The following NDNF variants were observed in gnomAD, a reference collection of about 807,000 sequenced individuals.
NDNF encodes the protein neuron derived neurotrophic factor.
In NDNF, 16 loss-of-function variants were observed where a neutral mutation model predicts 42.0. That is an observed-to-expected ratio of 0.38 (90% confidence interval 0.26 to 0.58). NDNF has a LOEUF of 0.58. Among genes scored for constraint, NDNF ranks in the 20% least tolerant of loss-of-function variants. NDNF has a pLI of 0.67. For missense variants in NDNF, 616 were observed against 666.2 expected (o/e 0.92, Z 0.83); for synonymous variants, 248 against 251.7 (o/e 0.99, Z 0.14).
In NDNF at chr4:121,036,122, A is replaced by G; in HGVS notation, c.*142T>C. The G allele has an allele frequency of 1.4e-6, 1 of 720,830 alleles. No individual in the cohort carries two copies. Among genetic ancestry groups the G allele is most frequent in the Non-Finnish European group, 2.3e-6 (1 of 429,820 alleles). The allele number at this position is 720,830 out of a possible 1,614,324, so 44.7% of individuals were successfully genotyped here. ...TCAAGAGTTACTTATATAAACATCA[A>G]TATACACACGTTGATATCCTTCCTT... On this transcript the variant is annotated 3_prime_UTR_variant, in exon 4 of 4. Coordinates refer to ENST00000379692, the MANE Select transcript of NDNF (RefSeq NM_024574.4).
chr4:121,041,893 G>C (rs1375662580), intron 2 of NDNF, among the ~76,000 whole-genome samples: 1 of 152,112 alleles, frequency 6.6e-6, no homozygotes, highest in Non-Finnish European at 1.5e-5. Context: ...TTTGTGGTTT[G>C]AGCACAGAGT....
At chr4:121,052,039 C>T (rs188153854) in intron 1 of NDNF, among the ~76,000 whole-genome samples, 1 of 152,296 alleles carries the variant, frequency 6.6e-6, no homozygotes, top group Non-Finnish European at 1.5e-5. Flanking sequence ...GTAGCTTCCT[C>T]AGAACAGCAG....
At chr4:121,071,354 C>G (rs527727772) in intron 1 of NDNF, 1 of 152,358 alleles carries the variant, frequency 6.6e-6, no homozygotes, top group South Asian at 2.1e-4. Context: ...ACGCAGAGGA[C>G]AAATGAGGAG....
chr4:121,039,192 GTATATATATATATATATATATATATATA>G (rs57613027), intron 3 of NDNF, among the ~76,000 whole-genome samples: 5 of 21,558 alleles, frequency 2.3e-4, no homozygotes, highest in South Asian at 1.9e-3. Context: ...GTGTGTGTGT[GTATATATATATATATATATATATATATA>G]TATATATATA....
chr4:121,059,231 T>C (rs1172049573), intron 1 of NDNF, among the ~76,000 whole-genome samples: 1 of 152,230 alleles, frequency 6.6e-6, no homozygotes, highest in Non-Finnish European at 1.5e-5. Context: ...GAATCCTACA[T>C]ATATCTACAA....
chr4:121,065,745 T>C (rs1727489310), intron 1 of NDNF, among the ~76,000 whole-genome samples: 1 of 151,584 alleles, frequency 6.6e-6, no homozygotes, highest in Non-Finnish European at 1.5e-5. Context: ...CACACATATA[T>C]TTTACATATG....
intron 1 of NDNF, among the ~76,000 whole-genome samples, chr4:121,059,147 T>A (rs1727353914): frequency 6.6e-6 from 1 of 152,238 alleles, no homozygotes; most frequent in African/African-American, 2.4e-5. Flanking sequence ...GTGCACTTTT[T>A]TATGCTCATA....
chr4:121,039,190 G>GTATA (rs1485229200), intron 3 of NDNF, among the ~76,000 whole-genome samples: 2 of 68,028 alleles, frequency 2.9e-5, no homozygotes, highest in African/African-American at 1.6e-4. Flanking sequence ...GTGTGTGTGT[G>GTATA]TGTATATATA....
At chr4:121,039,192 G>GTATATATA (rs57613027) in intron 3 of NDNF, among the ~76,000 whole-genome samples, 2 of 21,540 alleles carry the variant, frequency 9.3e-5, no homozygotes, top group African/African-American at 1.5e-4. Flanking sequence ...GTGTGTGTGT[G>GTATATATA]TATATATATA....
At chr4:121,067,697 C>G (rs1220325976) in intron 1 of NDNF, among the ~76,000 whole-genome samples, 1 of 152,092 alleles carries the variant, frequency 6.6e-6, no homozygotes, top group Non-Finnish European at 1.5e-5. Context: ...TGCTAGTTTG[C>G]TTTTATACCA....
Position 121,036,754 on chromosome 4 carries a change from T to C in NDNF, c.1217A>G (p.Gln406Arg), listed in dbSNP as rs1179547208. 6 of 1,614,044 alleles carry C rather than the reference T, an allele frequency of 3.7e-6. No homozygotes were observed. The highest frequency in any genetic ancestry group is 5.1e-6 in the Non-Finnish European group (6 of 1,180,040). ...TTTAGGTTTTCCTCTAAGCTGAAAC[T>C]GCTGAATGCCTTCCACATTCTGAGA... ...LLSQNVEGIQ[Q>R]FQLRGKPKAK... Residue 406 changes from glutamine to arginine, a missense_variant, in exon 4 of 4, where the codon CAG becomes CGG. Gln to Arg is a conservative substitution (Grantham distance 43). Coordinates refer to ENST00000379692, the MANE Select transcript of NDNF (RefSeq NM_024574.4).
chr4:121,039,586 C>T (rs976278225), intron 3 of NDNF, among the ~76,000 whole-genome samples: 2 of 151,990 alleles, frequency 1.3e-5, no homozygotes, highest in Non-Finnish European at 2.9e-5. Context: ...CCAATCAAAT[C>T]AGACCTTTGC....
Position 121,037,456 on chromosome 4 carries a change from G to A in NDNF, c.515C>T (p.Pro172Leu), listed in dbSNP as rs1726897030. The change falls in exon 4 of 4, where the codon CCA becomes CTA. Residue 172 changes from proline (P) to leucine (L), a missense_variant. Transcript: ENST00000379692. ...TGGGTCATAGGGTAACTCAGGGTAT[G>A]GCTGATCAGATTCTGGAGTTGTGGT... Reference protein sequence around the residue: ...YATTTPESDQPYPELPYDPRV... With the variant: ...YATTTPESDQLYPELPYDPRV... 6.2e-7 allele frequency: 1 copy of A among 1,614,040 alleles called. No individual in the cohort carries two copies. Among genetic ancestry groups the A allele is most frequent in the African/African-American group, 1.3e-5 (1 of 74,916 alleles).
At chr4:121,056,938 A>G (rs1016487879) in intron 1 of NDNF, among the ~76,000 whole-genome samples, 7 of 152,206 alleles carry the variant, frequency 4.6e-5, no homozygotes, top group Admixed American at 3.3e-4. Flanking sequence ...ACAACAGAAA[A>G]GAGCAAGTGT....
intron 1 of NDNF, among the ~76,000 whole-genome samples, chr4:121,063,874 A>T (rs963110178): frequency 1.2e-4 from 18 of 152,318 alleles, no homozygotes; most frequent in Admixed American, 1.1e-3. Context: ...TTTTACTCTC[A>T]AAGGTAAGTT....
intron 1 of NDNF, among the ~76,000 whole-genome samples, chr4:121,067,494 A>T (rs533840974): frequency 1.3e-5 from 2 of 152,346 alleles, no homozygotes; most frequent in South Asian, 4.1e-4. Flanking sequence ...TGAAAGAATG[A>T]TGACATATAT....
At chr4:121,064,039 G>A (rs1347951371) in intron 1 of NDNF, among the ~76,000 whole-genome samples, 1 of 152,190 alleles carries the variant, frequency 6.6e-6, no homozygotes, top group Non-Finnish European at 1.5e-5. Context: ...GGCTAAATAA[G>A]TGGTATTCTG....
intron 1 of NDNF, among the ~76,000 whole-genome samples, chr4:121,064,231 G>A (rs570168591): frequency 2.6e-5 from 4 of 152,148 alleles, no homozygotes; most frequent in African/African-American, 7.2e-5. Flanking sequence ...TAGAAGGATA[G>A]AATATCTTCC....
chr4:121,051,520 G>A (rs905812099), intron 1 of NDNF, among the ~76,000 whole-genome samples: 5 of 152,124 alleles, frequency 3.3e-5, no homozygotes, highest in African/African-American at 2.4e-5. Flanking sequence ...AAGGGAGTTT[G>A]AGTAATTCAT....
Sources: gnomAD v4.1 joint callset for allele counts (sites outside exome capture counted in the v4.1 genomes callset) on GRCh38, gnomAD v4.1.1 for gene constraint, MANE v1.5 for transcripts, NCBI Gene and HGNC (gene_info 2026-07-23, HGNC 2026-07-21) for gene names.